ENOX1: variants seen among roughly 807,000 people sequenced by gnomAD.
The protein encoded by ENOX1 is ecto-NOX disulfide-thiol exchanger 1.
In ENOX1, 42 loss-of-function variants were observed where a neutral mutation model predicts 82.5. The ratio of observed to expected loss-of-function variants is 0.51; its 90% CI spans 0.40 to 0.66. The LOEUF is 0.66. ENOX1 is among the 30% of genes least tolerant of loss of function. The pLI is 0.00. For synonymous variants in ENOX1, 271 were observed against 282.2 expected (o/e 0.96, Z 0.40); for missense variants, 608 against 811.6 (o/e 0.75, Z 3.05).
At chr13:43,610,869 T>C (rs1536845) in intron 2 of ENOX1, among the ~76,000 whole-genome samples, 148,861 of 152,284 alleles carry the variant, frequency 0.98, 72,855 homozygotes, top group Middle Eastern at 1. Flanking sequence ...TGCCAATAAA[T>C]ATACCTATGT....
In ENOX1 at chr13:43,412,024, C is replaced by T. The variant is rs1428439061; in HGVS notation, c.100G>A (p.Asp34Asn). ...ACGGACATGTTGAGCTGGGTCGTGT[C>T]TATCGCTATACTCCCCAAACCATCG... ...AADGLGSIAI[D>N]TTQLNMSVTD... The change falls in exon 5 of 17, where the codon GAC becomes AAC. Residue 34 changes from aspartate (D) to asparagine (N), a missense_variant. Transcript: ENST00000690772. 1 of 1,614,008 alleles carries T rather than the reference C, an allele frequency of 6.2e-7. No individual in the cohort carries two copies.
At chr13:43,424,468 C>T (rs956493553) in intron 3 of ENOX1, among the ~76,000 whole-genome samples, 33 of 152,192 alleles carry the variant, frequency 2.2e-4, no homozygotes, top group African/African-American at 8.0e-4. Context: ...TGCAATAAAA[C>T]CCAGATCAGA....
chr13:43,604,126 C>A (rs2081871740), intron 2 of ENOX1, among the ~76,000 whole-genome samples: 1 of 151,474 alleles, frequency 6.6e-6, no homozygotes, highest in South Asian at 2.1e-4. Context: ...ATTTGCACTT[C>A]TCTGATGGCC....
chr13:43,428,573 G>C (rs1386487588), intron 3 of ENOX1, among the ~76,000 whole-genome samples: 1 of 152,168 alleles, frequency 6.6e-6, no homozygotes, highest in Non-Finnish European at 1.5e-5. Context: ...ATATAGAAAG[G>C]CTGGGAGGTG....
intron 12 of ENOX1, among the ~76,000 whole-genome samples, chr13:43,283,605 C>T (rs1366989775): frequency 2.0e-5 from 3 of 151,588 alleles, no homozygotes; most frequent in African/African-American, 7.3e-5. Context: ...GCTACTATGC[C>T]TAGCTAATTA....
chr13:43,698,575 T>C (rs2086756291), intron 1 of ENOX1, among the ~76,000 whole-genome samples: 1 of 152,148 alleles, frequency 6.6e-6, no homozygotes, highest in Non-Finnish European at 1.5e-5. Context: ...ATACTACAAT[T>C]TTAACACATA....
At chr13:43,247,029 T>G (rs896293682) in intron 14 of ENOX1, among the ~76,000 whole-genome samples, 3 of 152,066 alleles carry the variant, frequency 2.0e-5, no homozygotes, top group African/African-American at 7.2e-5. Context: ...GAATTAGAAG[T>G]ATTGCCTCTA....
At chr13:43,243,868 CCTT>C in intron 14 of ENOX1, among the ~76,000 whole-genome samples, 1 of 152,198 alleles carries the variant, frequency 6.6e-6, no homozygotes, top group East Asian at 1.9e-4. Flanking sequence ...GCTCTCTCCT[CCTT>C]GCCTTGCCAC....
At chr13:43,276,654 C>T (rs919207007) in intron 12 of ENOX1, among the ~76,000 whole-genome samples, 2 of 152,228 alleles carry the variant, frequency 1.3e-5, no homozygotes, top group African/African-American at 4.8e-5. Flanking sequence ...GAGCTAATCC[C>T]TGATTGTTAG....
intron 8 of ENOX1, among the ~76,000 whole-genome samples, chr13:43,352,605 A>T (rs1225531097): frequency 6.6e-6 from 1 of 152,218 alleles, no homozygotes; most frequent in Non-Finnish European, 1.5e-5. Context: ...CTGAGCAGTT[A>T]CTTCCCAGTC....
chr13:43,687,665 C>T (rs990275426), intron 1 of ENOX1, among the ~76,000 whole-genome samples: 1 of 152,122 alleles, frequency 6.6e-6, no homozygotes, highest in Non-Finnish European at 1.5e-5. Context: ...ACAGTGCATG[C>T]TATGTTCCAA....
intron 1 of ENOX1, among the ~76,000 whole-genome samples, chr13:43,744,961 T>C (rs1044199825): frequency 2.0e-5 from 3 of 152,212 alleles, no homozygotes; most frequent in East Asian, 1.9e-4. Context: ...TGTAGAGGCA[T>C]TGCAATGTGA....
In ENOX1 at chr13:43,344,730, C is replaced by T. The variant is rs1469058752; in HGVS notation, c.844G>A (p.Ala282Thr). The change falls in exon 9 of 17, where the codon GCT (alanine) becomes ACT (threonine). Residue 282 changes from alanine to threonine, a missense_variant. By Grantham distance (58) the Ala-to-Thr change is moderately conservative. Transcript: ENST00000690772. ...ATCCAGGAAAGCAGCACTGTGATAG[C>T]CTCTGAAAACTTGCTATCATCTGGA... is the stretch of plus-strand genomic sequence containing the variant. Reference protein sequence around the residue: ...KLKDDSKFSEAITVLLSWIER... With the variant: ...KLKDDSKFSETITVLLSWIER... 1 of 1,613,904 alleles carries T rather than the reference C, an allele frequency of 6.2e-7. No homozygotes were observed. Among genetic ancestry groups the T allele is most frequent in the Non-Finnish European group, 8.5e-7 (1 of 1,180,010 alleles).
At chr13:43,264,898 C>G (rs1164422678) in intron 14 of ENOX1, among the ~76,000 whole-genome samples, 1 of 152,146 alleles carries the variant, frequency 6.6e-6, no homozygotes, top group East Asian at 1.9e-4. Context: ...TATTCTTTAT[C>G]AAGAAGATGG....
At position 43,786,144 on chromosome 13, in the gene ENOX1, C is replaced by T. The variant is rs983526433; in HGVS notation, c.-285+508G>A. 1.3e-5 allele frequency among the ~76,000 whole-genome samples: 2 copies of T among 152,142 alleles called. No homozygotes were observed. Among genetic ancestry groups the T allele is most frequent in the Non-Finnish European group, 2.9e-5 (2 of 68,020 alleles). On this transcript the variant is annotated intron_variant, in intron 1 of 16. Transcript: ENST00000690772. The surrounding 1 kb of genome is among the most constrained non-coding windows in gnomAD (Gnocchi z 6.0). ...TAGGCGGGGAGGAAAGTTTCCGGCCCGCAGCAGAGCGGAGTCCGCCAAGGC... is the reference window on the plus strand; with the variant it reads ...TAGGCGGGGAGGAAAGTTTCCGGCCTGCAGCAGAGCGGAGTCCGCCAAGGC...
intron 1 of ENOX1, among the ~76,000 whole-genome samples, chr13:43,701,966 T>C (rs1317525423): frequency 6.6e-6 from 1 of 152,196 alleles, no homozygotes; most frequent in Admixed American, 6.5e-5. Context: ...AGCATTCTTC[T>C]AACCCCACCA....
intron 1 of ENOX1, among the ~76,000 whole-genome samples, chr13:43,718,916 T>TA (rs1218315038): frequency 6.6e-6 from 1 of 152,106 alleles, no homozygotes; most frequent in African/African-American, 2.4e-5. Flanking sequence ...GGAGAAACTT[T>TA]AAAAACTACA....
intron 2 of ENOX1, among the ~76,000 whole-genome samples, chr13:43,579,994 G>A (rs976166796): frequency 1.1e-4 from 16 of 152,172 alleles, no homozygotes; most frequent in African/African-American, 3.9e-4. Flanking sequence ...GGTGGTGAGG[G>A]CTGTGGAAAG....
chr13:43,601,554 C>T lies in ENOX1; in HGVS notation c.-219+65925G>A, dbSNP rs1004927173. On this transcript the variant is annotated intron_variant, in intron 2 of 16. Transcript: ENST00000690772. ...GCCTACAAGGTCTGGAAAATAGCCT[C>T]AAAAGCCAAAAGCACAAACCTAAGA... 2.0e-5 allele frequency among the ~76,000 whole-genome samples: 3 copies of T among 151,966 alleles called. No individual in the cohort carries two copies. The East Asian group carries it at 5.8e-4, about 29-fold the overall frequency.
Sources: gnomAD v4.1 joint callset for allele counts (sites outside exome capture counted in the v4.1 genomes callset) on GRCh38, gnomAD v4.1.1 for gene constraint, Gnocchi (gnomAD v3.1) non-coding constraint, MANE v1.5 for transcripts, NCBI Gene and HGNC (gene_info 2026-07-23, HGNC 2026-07-21) for gene names.